DMD: variants seen among roughly 807,000 people sequenced by gnomAD.
DMD encodes mutant dystrophin.
A neutral mutation model predicts 330.1 loss-of-function variants in DMD; 63 were observed. That is an observed-to-expected ratio of 0.19 (90% CI 0.16 to 0.24). The LOEUF is 0.24. Ranked by LOEUF, DMD falls within the 10% of genes least tolerant of loss-of-function variation. The probability of loss-of-function intolerance (pLI) is 1.00; values close to 1 mark genes in which losing one functional copy is unlikely to be tolerated. For missense variants in DMD, 3,344 were observed against 2,684.1 expected (o/e 1.25, Z -5.43); for synonymous variants, 1,223 against 959.8 (o/e 1.27, Z -5.07).
chrX:33,203,893 C>G (rs776599725), intron 1 of DMD, among the ~76,000 whole-genome samples: 2 of 111,365 alleles, frequency 1.8e-5, no homozygotes, highest in Admixed American at 9.6e-5. Flanking sequence ...ATTTCCCTTC[C>G]AATCTCCTTG....
At position 33,285,574 on chromosome X, in the gene DMD, A is replaced by T. The variant is rs191156229; in HGVS notation, c.7+53685T>A. 4.3e-3 allele frequency among the ~76,000 whole-genome samples: 480 copies of T among 112,047 alleles called. 2 individuals are homozygous for T. Among genetic ancestry groups the T allele is most frequent in the African/African-American group, 0.015 (453 of 30,902 alleles). ...ATATTTGGGAAGTTCTACTCAGTCC[A>T]TAATTTTTCTCCCTTCTCTGGCGAC... On this transcript the variant is annotated intron_variant, in intron 1 of 17. Coordinates refer to the DMD transcript ENST00000288447.
intron 1 of DMD, among the ~76,000 whole-genome samples, chrX:33,319,717 G>A (rs1413403599): frequency 1.8e-5 from 2 of 111,898 alleles, no homozygotes; most frequent in African/African-American, 3.2e-5. Context: ...CCTGACTCAC[G>A]TAAGAAGACT....
intron 1 of DMD, among the ~76,000 whole-genome samples, chrX:33,239,391 A>C (rs1444783477): frequency 9.0e-6 from 1 of 110,532 alleles, no homozygotes; most frequent in Admixed American, 9.7e-5. Context: ...TTATGTATGC[A>C]ACAGCTATAT....
At chrX:31,840,549 C>CCT (rs2093297794) in intron 48 of DMD, among the ~76,000 whole-genome samples, 4 of 76,406 alleles carry the variant, frequency 5.2e-5, no homozygotes, top group African/African-American at 2.0e-4. Context: ...GCAGATACTG[C>CCT]TTTTTTTTTT....
chrX:32,798,239 T>G (rs2076314950), intron 7 of DMD, among the ~76,000 whole-genome samples: 1 of 112,260 alleles, frequency 8.9e-6, no homozygotes, highest in Admixed American at 9.4e-5. Context: ...CATGCAATTA[T>G]TTGTCATCCA....
intron 7 of DMD, among the ~76,000 whole-genome samples, chrX:32,731,341 A>G (rs1367877159): frequency 8.9e-6 from 1 of 112,091 alleles, no homozygotes; most frequent in Non-Finnish European, 1.9e-5. Context: ...GGGGAGGGGC[A>G]CCCGCCATTG....
Position 32,501,833 on chromosome X carries a change from G to A in DMD, c.2302C>T (p.Arg768Ter), listed in dbSNP as rs201366610. 1 of 1,200,192 alleles carries A rather than the reference G, an allele frequency of 8.3e-7. No individual in the cohort carries two copies. Among genetic ancestry groups the A allele is most frequent in the Non-Finnish European group, 1.1e-6 (1 of 887,338 alleles). Residue 768 changes from arginine (R) to a stop codon, truncating the protein, a stop_gained, in exon 19 of 79, where the codon CGA becomes TGA. Transcript: ENST00000357033. LOFTEE classifies it high-confidence loss of function. ...DLKEKVNAIEREKAEKFRKLQ... is the reference protein window; with the variant it reads ...DLKEKVNAIE ...TTTCTGAACTTCTCAGCTTTTTCTC[G>A]CTCTATGGCCTGCAGCATGAGAGCA...
chrX:31,846,434 T>C (rs1288312309), intron 48 of DMD, among the ~76,000 whole-genome samples: 1 of 95,469 alleles, frequency 1.0e-5, no homozygotes, highest in Non-Finnish European at 2.1e-5. Context: ...AATCAAGAAA[T>C]ACACACACAC....
chrX:32,805,506 C>CAGGT (rs1319216692), intron 7 of DMD, among the ~76,000 whole-genome samples: 1 of 111,580 alleles, frequency 9.0e-6, no homozygotes, highest in South Asian at 3.7e-4. Context: ...CCTGGGAAAA[C>CAGGT]ATTCTTCAGG....
intron 62 of DMD, 38 bp from the exon 63 acceptor site, chrX:31,261,054 C>A: frequency 2.7e-6 from 3 of 1,119,834 alleles, no homozygotes; most frequent in Non-Finnish European, 3.7e-6. Context: ...TTAGCATTTA[C>A]AATGAGTAGT....
chrX:32,540,539 T>C (rs1411132946), intron 17 of DMD, among the ~76,000 whole-genome samples: 1 of 111,359 alleles, frequency 9.0e-6, no homozygotes, highest in Non-Finnish European at 1.9e-5. Flanking sequence ...CAGGAAGAGC[T>C]AGGTAGAATT....
intron 54 of DMD, among the ~76,000 whole-genome samples, chrX:31,655,614 G>A (rs1230183548): frequency 9.0e-6 from 1 of 111,022 alleles, no homozygotes; most frequent in Non-Finnish European, 1.9e-5. Flanking sequence ...TTGAAGAGGT[G>A]ATTAGGACAT....
Position 32,835,840 on chromosome X carries a change from A to G in DMD, c.264+8943T>C, listed in dbSNP as rs140612928. ...ATGACCTTGACTTAATGATCCAGAAATTACCAAAAAGTATCATTTTGAAAA... is the reference window on the plus strand; with the variant it reads ...ATGACCTTGACTTAATGATCCAGAAGTTACCAAAAAGTATCATTTTGAAAA... On this transcript the variant is annotated intron_variant, in intron 4 of 78. Transcript: ENST00000357033. Among the ~76,000 whole-genome samples the G allele has an allele frequency of 8.5e-3, 947 of 111,509 alleles. 14 individuals carry two copies. Among genetic ancestry groups the G allele is most frequent in the African/African-American group, 0.029 (898 of 30,691 alleles).
intron 47 of DMD, among the ~76,000 whole-genome samples, chrX:31,885,379 G>C (rs1472511771): frequency 1.8e-5 from 2 of 110,574 alleles, no homozygotes. Context: ...GGGAGGCCGA[G>C]GCGGGCGGAT....
At chrX:33,127,673 A>G (rs983509761) in intron 1 of DMD, among the ~76,000 whole-genome samples, 5 of 94,562 alleles carry the variant, frequency 5.3e-5, no homozygotes, top group Admixed American at 3.8e-4. Context: ...CCATATATAT[A>G]TGTGAAACAC....
intron 15 of DMD, among the ~76,000 whole-genome samples, chrX:32,569,089 T>G (rs2149111491): frequency 8.9e-6 from 1 of 111,742 alleles, no homozygotes; most frequent in Admixed American, 9.5e-5. Context: ...AAACAGACTT[T>G]ATTTTTATAG....
At chrX:32,222,469 C>A (rs1449856238) in intron 43 of DMD, among the ~76,000 whole-genome samples, 3 of 111,631 alleles carry the variant, frequency 2.7e-5, no homozygotes, top group African/African-American at 9.8e-5. Flanking sequence ...TATAAAAGAT[C>A]AATGAAACAA....
At chrX:32,062,760 G>A (rs1479945711) in intron 44 of DMD, among the ~76,000 whole-genome samples, 2 of 110,745 alleles carry the variant, frequency 1.8e-5, no homozygotes, top group African/African-American at 6.5e-5. Flanking sequence ...AGGTTAACAC[G>A]CTCAGTAAAA....
At position 32,782,853 on chromosome X, in the gene DMD, C is replaced by T. The variant is rs375315952; in HGVS notation, c.649+26640G>A. Among the ~76,000 whole-genome samples the T allele has an allele frequency of 9.6e-4, 103 of 107,258 alleles. 1 individual carries two copies. The South Asian group carries it at 0.028, about 29-fold the overall frequency. 93.1% of individuals were successfully genotyped at this position (107,258 alleles called of 115,157 possible). On this transcript the variant is annotated intron_variant, in intron 7 of 78. Coordinates refer to ENST00000357033, the MANE Select transcript of DMD (RefSeq NM_004006.3). ...TGTATGCCTCTATCAAAACATCTCA[C>T]GTACCATATATATATACACACACAC...
Sources: gnomAD v4.1 joint callset for allele counts (sites outside exome capture counted in the v4.1 genomes callset) on GRCh38, gnomAD v4.1.1 for gene constraint, MANE v1.5 for transcripts, NCBI Gene and HGNC (gene_info 2026-07-23, HGNC 2026-07-21) for gene names.